Variants in DRD1 observed in about 807,000 individuals in gnomAD.
DRD1 encodes the protein dopamine receptor D1.
A neutral mutation model predicts 23.8 loss-of-function variants in DRD1; 2 were observed. That is an observed-to-expected ratio of 0.08 (90% CI 0.03 to 0.26). DRD1 has a LOEUF of 0.26. DRD1 is among the 10% of genes least tolerant of loss of function. The pLI, the probability that DRD1 is intolerant of heterozygous loss-of-function variation, is 1.00. For synonymous variants in DRD1, 218 were observed against 225.7 expected (o/e 0.97, Z 0.30); for missense variants, 376 against 559.0 (o/e 0.67, Z 3.30).
In DRD1 at chr5:175,442,546, T is replaced by G; in HGVS notation, c.554A>C (p.Asn185Thr). The change falls in exon 2 of 2, where the codon AAC becomes ACC. Residue 185 changes from asparagine (N) to threonine (T), a missense_variant. Physicochemically the swap from Asn to Thr is moderately conservative, Grantham distance 65. Transcript: ENST00000393752. This position sits in a 1 kb window ranked among gnomAD's most constrained non-coding sequence, Gnocchi z 7.3. ...TGTCCTGCTGAGGCTGGAGTCACAG[T>G]TGTCTATGGTCTCAGCCAGGGAAGT... The part of the protein sequence containing the change: ...NATSLAETID[N>T]CDSSLSRTYA... The G allele has an allele frequency of 6.2e-7, 1 of 1,614,146 alleles. No individual in the cohort carries two copies. The highest frequency in any genetic ancestry group is 1.3e-5 in the African/African-American group (1 of 75,020).
Position 175,442,184 on chromosome 5 carries a change from A to C in DRD1, c.916T>G (p.Phe306Val), listed in dbSNP as rs150662348. 24 of 1,614,088 alleles carry C rather than the reference A, an allele frequency of 1.5e-5. No homozygotes were observed. The South Asian group carries it at 2.4e-4, about 16-fold the overall frequency. The change falls in exon 2 of 2, where the codon TTC becomes GTC. Residue 306 changes from phenylalanine to valine, a missense_variant. Coordinates refer to ENST00000393752, the MANE Select transcript of DRD1 (RefSeq NM_000794.5). This position sits in a 1 kb window ranked among gnomAD's most constrained non-coding sequence, Gnocchi z 7.3. ...PFCGSGETQP[F>V]CIDSNTFDVF... is the part of the protein sequence containing the mutation. ...TCAAAGGTGTTGGAATCAATGCAGA[A>C]GGGCTGCGTCTCCCCAGACCCACAG...
chr5:175,442,528 C>A lies in DRD1; in HGVS notation c.572G>T (p.Ser191Ile). Residue 191 changes from serine (S) to isoleucine (I), a missense_variant, in exon 2 of 2, where the codon AGC (serine) becomes ATC (isoleucine). Coordinates refer to ENST00000393752, the MANE Select transcript of DRD1 (RefSeq NM_000794.5). The surrounding 1 kb of genome is among the most constrained non-coding windows in gnomAD (Gnocchi z 7.3). ...ETIDNCDSSL[S>I]RTYAISSSVI... is the part of the protein sequence containing the mutation. ...AGAGGATGAGATGGCATATGTCCTG[C>A]TGAGGCTGGAGTCACAGTTGTCTAT... 6.2e-7 allele frequency: 1 copy of A among 1,614,182 alleles called. No homozygotes were observed. Among genetic ancestry groups the A allele is most frequent in the Non-Finnish European group, 8.5e-7 (1 of 1,180,038 alleles).
Position 175,443,583 on chromosome 5 carries a change from C to T in DRD1, c.-483-1G>A, listed in dbSNP as rs1419919207. On this transcript the variant is annotated splice_acceptor_variant, in intron 1 of 1. Transcript: ENST00000393752. LOFTEE classifies it low-confidence loss of function (5UTR_SPLICE). ...GGCTCCTCAGCAGCTCTCCAAACGC[C>T]TTAAAAAGCAAAAGGAAAACACACG... 1.1e-5 allele frequency: 2 copies of T among 177,210 alleles called. No homozygotes were observed. Among genetic ancestry groups the T allele is most frequent in the Admixed American group, 5.7e-5 (1 of 17,538 alleles). 11.0% of individuals were successfully genotyped at this position (177,210 alleles called of 1,614,324 possible). A position where few individuals can be genotyped will look rare whatever the true frequency, so the allele number is the denominator to read the frequency against.
In DRD1 at chr5:175,441,054, A is replaced by C. The variant is rs530634440; in HGVS notation, c.*705T>G. On this transcript the variant is annotated 3_prime_UTR_variant, in exon 2 of 2. Transcript: ENST00000393752. ...GTGTTTCTAGAAGTTACACATGAAC[A>C]TTTAGAATCTCACAGAGTCTGTGTG... 6.5e-6 allele frequency: 1 copy of C among 152,702 alleles called. No homozygotes were observed. Among genetic ancestry groups the C allele is most frequent in the Admixed American group, 6.5e-5 (1 of 15,302 alleles). 9.5% of individuals were successfully genotyped at this position (152,702 alleles called of 1,614,324 possible).
Position 175,442,075 on chromosome 5 carries a change from G to GA in DRD1, c.1024dup (p.Ser342PhefsTer15). 6.2e-7 allele frequency: 1 copy of GA among 1,614,162 alleles called. No individual in the cohort carries two copies. The highest frequency in any genetic ancestry group is 8.5e-7 in the Non-Finnish European group (1 of 1,180,044). ...AAGTCTGTAGCATCCTAAGAGGGTT[G>GA]AAAATGCCTTCCGAAAATCAGCATT... On this transcript the variant is annotated frameshift_variant, in exon 2 of 2. Coordinates refer to ENST00000393752, the MANE Select transcript of DRD1 (RefSeq NM_000794.5). LOFTEE classifies it high-confidence loss of function. The surrounding 1 kb of genome is among the most constrained non-coding windows in gnomAD (Gnocchi z 7.3).
In DRD1 at chr5:175,443,123, G is replaced by C. The variant is rs1364043807; in HGVS notation, c.-24C>G. On this transcript the variant is annotated 5_prime_UTR_variant, in exon 2 of 2. Coordinates refer to ENST00000393752, the MANE Select transcript of DRD1 (RefSeq NM_000794.5). The stretch of plus-strand genomic sequence containing the variant: ...ATCTTCCTAAGAGAAAGCACATCAG[G>C]GGCTCTGACACCCCTCAAGTTCCCA... 1.2e-6 allele frequency: 2 copies of C among 1,601,686 alleles called. No individual in the cohort carries two copies. The highest frequency in any genetic ancestry group is 1.7e-5 in the Admixed American group (1 of 58,978).
chr5:175,441,491 G>A lies in DRD1; in HGVS notation c.*268C>T, dbSNP rs1429554896. On this transcript the variant is annotated 3_prime_UTR_variant, in exon 2 of 2. Coordinates refer to ENST00000393752, the MANE Select transcript of DRD1 (RefSeq NM_000794.5). ...CCCTATTTGGTAAATCCTAAGATAA[G>A]AATAAATTTCTAAAAACAATTCTGA... 2.9e-6 allele frequency: 1 copy of A among 343,432 alleles called. No homozygotes were observed. Among genetic ancestry groups the A allele is most frequent in the Non-Finnish European group, 5.2e-6 (1 of 190,560 alleles). The allele number at this position is 343,432 out of a possible 1,614,324, so 21.3% of individuals were successfully genotyped here.
rs1249242076 is a variant in DRD1, at chr5:175,441,852, C to T, written c.1248G>A (p.Leu416=). 1 of 1,614,016 alleles carries T rather than the reference C, an allele frequency of 6.2e-7. No individual in the cohort carries two copies. The highest frequency in any genetic ancestry group is 2.2e-5 in the East Asian group (1 of 44,870). ...CCAATATGACTGATAGGGCTGGGGACAGCTTCTCCAAGGGTCTGGCGATGC... is the reference window on the plus strand; with the variant it reads ...CCAATATGACTGATAGGGCTGGGGATAGCTTCTCCAAGGGTCTGGCGATGC... ...AAGIARPLEK[L]SPALSVILDY... Residue 416 remains leucine (L), a synonymous_variant, in exon 2 of 2, where the codon CTG becomes CTA. Transcript: ENST00000393752.
rs369853177 is a variant in DRD1, at chr5:175,443,061, C to T, written c.39G>A (p.Gly13=). 1.2e-6 allele frequency: 2 copies of T among 1,614,196 alleles called. No homozygotes were observed. Among genetic ancestry groups the T allele is most frequent in the Non-Finnish European group, 1.7e-6 (2 of 1,180,036 alleles). ...TLNTSAMDGT[G]LVVERDFSVR... ...CAGAGAAGTCCCTCTCCACCACCAG[C>T]CCAGTCCCGTCCATGGCAGAGGTGT... Residue 13 remains glycine (G), a synonymous_variant, in exon 2 of 2, where the codon GGG becomes GGA. Transcript: ENST00000393752.
Position 175,441,584 on chromosome 5 carries a change from A to G in DRD1, c.*175T>C. On this transcript the variant is annotated 3_prime_UTR_variant, in exon 2 of 2. Transcript: ENST00000393752. Reference sequence around the variant, plus strand: ...CCCTGTTTGATTGACTATGAACAACACAGAAAATACACTGGAATGTATTTG... The same window carrying G: ...CCCTGTTTGATTGACTATGAACAACGCAGAAAATACACTGGAATGTATTTG... 1.3e-6 allele frequency: 1 copy of G among 767,372 alleles called. No homozygotes were observed. The highest frequency in any genetic ancestry group is 2.4e-5 in the South Asian group (1 of 41,342). 47.5% of individuals were successfully genotyped at this position (767,372 alleles called of 1,614,324 possible). A position where few individuals can be genotyped will look rare whatever the true frequency, so the allele number is the denominator to read the frequency against.
chr5:175,443,082 G>T lies in DRD1; in HGVS notation c.18C>A (p.Thr6=). MRTLN[T]SAMDGTGLVV... ...CCAGCCCAGTCCCGTCCATGGCAGA[G>T]GTGTTCAGAGTCCTCATCTTCCTAA... is the stretch of plus-strand genomic sequence containing the variant. Residue 6 remains threonine, a synonymous_variant, in exon 2 of 2, where the codon ACC becomes ACA. Transcript: ENST00000393752. 6.2e-7 allele frequency: 1 copy of T among 1,613,948 alleles called. No homozygotes were observed. The highest frequency in any genetic ancestry group is 1.3e-5 in the African/African-American group (1 of 75,046).
rs774034163 is a variant in DRD1, at chr5:175,443,131, A to T, written c.-32T>A. ...AAGAGAAAGCACATCAGGGGCTCTG[A>T]CACCCCTCAAGTTCCCAAGCAGGGA... is the stretch of plus-strand genomic sequence containing the variant. On this transcript the variant is annotated 5_prime_UTR_variant, in exon 2 of 2. Coordinates refer to ENST00000393752, the MANE Select transcript of DRD1 (RefSeq NM_000794.5). The T allele has an allele frequency of 6.3e-7, 1 of 1,595,580 alleles. No individual in the cohort carries two copies. Among genetic ancestry groups the T allele is most frequent in the East Asian group, 2.2e-5 (1 of 44,660 alleles).
At position 175,443,246 on chromosome 5, in the gene DRD1, A is replaced by AT; in HGVS notation, c.-148dup. 1 of 1,065,216 alleles carries AT rather than the reference A, an allele frequency of 9.4e-7. No homozygotes were observed. Among genetic ancestry groups the AT allele is most frequent in the Non-Finnish European group, 1.3e-6 (1 of 741,978 alleles). 66.0% of individuals were successfully genotyped at this position (1,065,216 alleles called of 1,614,324 possible). A position where few individuals can be genotyped will look rare whatever the true frequency, so the allele number is the denominator to read the frequency against. On this transcript the variant is annotated 5_prime_UTR_variant, in exon 2 of 2. It adds an upstream start codon to the 5' untranslated region. Transcript: ENST00000393752. ...TTCCCTGGCAGAGGGCCTCACCAAC[A>AT]TTCCATGAGAGGACCGCTTGAGTGG... is the stretch of plus-strand genomic sequence containing the variant.
chr5:175,440,735 T>C lies in DRD1; in HGVS notation c.*1024A>G, dbSNP rs961969353. 6.6e-6 allele frequency: 1 copy of C among 152,640 alleles called. No homozygotes were observed. The highest frequency in any genetic ancestry group is 1.5e-5 in the Non-Finnish European group (1 of 68,042). 9.5% of individuals were successfully genotyped at this position (152,640 alleles called of 1,614,324 possible). On this transcript the variant is annotated 3_prime_UTR_variant, in exon 2 of 2. Transcript: ENST00000393752. ...GAGAGGGCCAATTATTTTACATAAATACAAAGCAGCATATACTTTTCATTA... is the reference window on the plus strand; with the variant it reads ...GAGAGGGCCAATTATTTTACATAAACACAAAGCAGCATATACTTTTCATTA...
rs773577315 is a variant in DRD1, at chr5:175,442,424, G to C, written c.676C>G (p.Arg226Gly). Residue 226 changes from arginine (R) to glycine (G), a missense_variant, in exon 2 of 2, where the codon CGG (arginine) becomes GGG (glycine). Around this residue, in one of 5 missense-constraint regions of DRD1, gnomAD observed 44 missense variants for 46.7 expected, o/e 0.94. Coordinates refer to ENST00000393752, the MANE Select transcript of DRD1 (RefSeq NM_000794.5). This position sits in a 1 kb window ranked among gnomAD's most constrained non-coding sequence, Gnocchi z 7.3. ...RIYRIAQKQIRRIAALERAAV... is the reference protein window; with the variant it reads ...RIYRIAQKQIGRIAALERAAV... ...GCCCTCTCCAAGGCCGCAATGCGCCGTATTTGTTTCTGAGCAATCCTGTAG... is the reference window on the plus strand; with the variant it reads ...GCCCTCTCCAAGGCCGCAATGCGCCCTATTTGTTTCTGAGCAATCCTGTAG... 3.7e-6 allele frequency: 6 copies of C among 1,614,218 alleles called. No individual in the cohort carries two copies. Among genetic ancestry groups the C allele is most frequent in the Non-Finnish European group, 4.2e-6 (5 of 1,180,032 alleles).
In DRD1 at chr5:175,441,019, A is replaced by C. The variant is rs1027491067; in HGVS notation, c.*740T>G. Reference sequence around the variant, plus strand: ...TTTCAACTTTATTCCCTTATCTATCAGTTTCTGCTGTGTTTCTAGAAGTTA... The same window carrying C: ...TTTCAACTTTATTCCCTTATCTATCCGTTTCTGCTGTGTTTCTAGAAGTTA... On this transcript the variant is annotated 3_prime_UTR_variant, in exon 2 of 2. Transcript: ENST00000393752. 5.2e-5 allele frequency: 8 copies of C among 152,674 alleles called. No homozygotes were observed. Among genetic ancestry groups the C allele is most frequent in the African/African-American group, 1.9e-4 (8 of 41,550 alleles). The allele number at this position is 152,674 out of a possible 1,614,324, so 9.5% of individuals were successfully genotyped here.
rs1397118775 is a variant in DRD1 at position 175,442,754 on chromosome 5, C to T, written c.346G>A (p.Val116Met). 1 of 1,614,002 alleles carries T rather than the reference C, an allele frequency of 6.2e-7. No homozygotes were observed. Residue 116 changes from valine (V) to methionine (M), a missense_variant, in exon 2 of 2, where the codon GTG becomes ATG. This residue lies in a region of DRD1 where 121 missense variants were observed against 239.4 expected (regional missense o/e 0.51). Coordinates refer to ENST00000393752, the MANE Select transcript of DRD1 (RefSeq NM_000794.5). This position sits in a 1 kb window ranked among gnomAD's most constrained non-coding sequence, Gnocchi z 7.3. ...CSTASILNLC[V>M]ISVDRYWAIS... ...GCCCAATACCTGTCCACGCTGATCACACAGAGGTTGAGGATGGATGCAGTG... is the reference window on the plus strand; with the variant it reads ...GCCCAATACCTGTCCACGCTGATCATACAGAGGTTGAGGATGGATGCAGTG...
chr5:175,441,935 A>G lies in DRD1; in HGVS notation c.1165T>C (p.Tyr389His). The change falls in exon 2 of 2, where the codon TAC becomes CAC. Residue 389 changes from tyrosine (Y) to histidine (H), a missense_variant. Around this residue, in one of 5 missense-constraint regions of DRD1, gnomAD observed 117 missense variants for 126.9 expected, o/e 0.92. Coordinates refer to ENST00000393752, the MANE Select transcript of DRD1 (RefSeq NM_000794.5). Reference sequence around the variant, plus strand: ...GAGCCCACAGCATGTGGGATCAGGTAAACCAGATTGCACTCCTTGGAGATG... The same window carrying G: ...GAGCCCACAGCATGTGGGATCAGGTGAACCAGATTGCACTCCTTGGAGATG... ...GSISKECNLV[Y>H]LIPHAVGSSE... 6.2e-7 allele frequency: 1 copy of G among 1,614,134 alleles called. No individual in the cohort carries two copies. Among genetic ancestry groups the G allele is most frequent in the Non-Finnish European group, 8.5e-7 (1 of 1,179,998 alleles).
In DRD1 at chr5:175,441,900, G is replaced by T. The variant is rs1313590975; in HGVS notation, c.1200C>A (p.Asp400Glu). The T allele has an allele frequency of 6.2e-7, 1 of 1,614,092 alleles. No homozygotes were observed. The highest frequency in any genetic ancestry group is 1.1e-5 in the South Asian group (1 of 91,072). ...TGCCAGCTGCCTCCTCCTTTTTCAG[G>T]TCCTCAGAGGAGCCCACAGCATGTG... ...LIPHAVGSSE[D>E]LKKEEAAGIA... Residue 400 changes from aspartate to glutamate, a missense_variant, in exon 2 of 2, where the codon GAC becomes GAA. This residue lies in a region of DRD1 where 117 missense variants were observed against 126.9 expected (regional missense o/e 0.92). Transcript: ENST00000393752.
Sources: allele counts gnomAD v4.1 joint callset, GRCh38; gene constraint gnomAD v4.1.1; regional missense constraint gnomAD v4.1.1; non-coding constraint Gnocchi (gnomAD v3.1); transcripts MANE v1.5; gene names NCBI Gene and HGNC (gene_info 2026-07-23, HGNC 2026-07-21).